The following ARRB2 variants were observed in gnomAD, a reference collection of about 807,000 sequenced individuals.
The protein encoded by ARRB2 is beta-arrestin-2.
A neutral mutation model predicts 53.4 loss-of-function variants in ARRB2; 21 were observed. The observed-to-expected ratio is 0.39, with a 90% CI of 0.28 to 0.57. The LOEUF is 0.57. Ranked by LOEUF, ARRB2 falls within the 20% of genes least tolerant of loss-of-function variation. ARRB2 has a pLI of 0.55. For synonymous variants in ARRB2, 180 were observed against 212.9 expected (o/e 0.85, Z 1.34); for missense variants, 369 against 527.5 (o/e 0.70, Z 2.94).
chr17:4,711,747 C>T (rs1424247053), intron 1 of ARRB2, among the ~76,000 whole-genome samples: 2 of 152,144 alleles, frequency 1.3e-5, no homozygotes, highest in East Asian at 1.9e-4. Context: ...AAGTTGCTGA[C>T]TTGTGGGAGG....
chr17:4,712,229 G>A (rs1281446759), intron 1 of ARRB2, among the ~76,000 whole-genome samples: 1 of 152,276 alleles, frequency 6.6e-6, no homozygotes, highest in Admixed American at 6.5e-5. Flanking sequence ...GAAAGATAGG[G>A]TGTTTATTCT....
At chr17:4,718,989 G>A (rs565912473) in intron 10 of ARRB2, among the ~76,000 whole-genome samples, 2 of 152,242 alleles carry the variant, frequency 1.3e-5, no homozygotes, top group Admixed American at 6.5e-5. Flanking sequence ...GGCCAAGCTA[G>A]TTGCGAACCC....
Position 4,710,668 on chromosome 17 carries a change from G to A in ARRB2, c.-54G>A. The A allele has an allele frequency of 2.5e-6, 1 of 398,816 alleles. No homozygotes were observed. The highest frequency in any genetic ancestry group is 3.6e-5 in the East Asian group (1 of 28,044). 24.7% of individuals were successfully genotyped at this position (398,816 alleles called of 1,614,324 possible). On this transcript the variant is annotated 5_prime_UTR_variant, in exon 1 of 15. Transcript: ENST00000269260. ...GGGAGGAGCAGGGATCTTGGCAGCG[G>A]GCGAGGAGGCTGCGAGCGAGCCGCG...
chr17:4,717,001 A>C lies in ARRB2; in HGVS notation c.358-216A>C. 1.7e-6 allele frequency: 1 copy of C among 601,538 alleles called. No homozygotes were observed. Among genetic ancestry groups the C allele is most frequent in the Non-Finnish European group, 2.9e-6 (1 of 339,648 alleles). 37.3% of individuals were successfully genotyped at this position (601,538 alleles called of 1,614,324 possible). A position where few individuals can be genotyped will look rare whatever the true frequency, so the allele number is the denominator to read the frequency against. The stretch of plus-strand genomic sequence containing the variant: ...AGGCACGCACCACCACACACGACTA[A>C]TTTTGTATTTTTAGTAGTGATGGGG... On this transcript the variant is annotated intron_variant, in intron 5 of 14. Transcript: ENST00000269260. The surrounding 1 kb of genome is among the most constrained non-coding windows in gnomAD (Gnocchi z 6.0).
At position 4,717,706 on chromosome 17, in the gene ARRB2, A is replaced by G. The variant is rs1301288221; in HGVS notation, c.439A>G (p.Ile147Val). Residue 147 changes from isoleucine to valine, a missense_variant, in exon 7 of 15, where the codon ATT (isoleucine) becomes GTT (valine). By Grantham distance (29) the Ile-to-Val change is conservative. Transcript: ENST00000269260. This position sits in a 1 kb window ranked among gnomAD's most constrained non-coding sequence, Gnocchi z 6.0. ...TGKACGVDFE[I>V]RAFCAKSLEE... ...CGAGGCCTGCGGCGTAGACTTTGAG[A>G]TTCGAGCCTTCTGTGCTAAATCACT... The G allele has an allele frequency of 6.2e-7, 1 of 1,614,116 alleles. No homozygotes were observed. Among genetic ancestry groups the G allele is most frequent in the South Asian group, 1.1e-5 (1 of 91,080 alleles).
rs552634178 is a variant in ARRB2, at chr17:4,717,600, C to T, written c.418-85C>T. The T allele has an allele frequency of 2.1e-5, 33 of 1,563,594 alleles. No individual in the cohort carries two copies. The highest frequency in any genetic ancestry group is 2.5e-5 in the Non-Finnish European group (28 of 1,136,720). On this transcript the variant is annotated intron_variant, in intron 6 of 14. Coordinates refer to ENST00000269260, the MANE Select transcript of ARRB2 (RefSeq NM_004313.4). The surrounding 1 kb of genome is among the most constrained non-coding windows in gnomAD (Gnocchi z 6.0). ...CCACAATGAGGCAAGAGTCCCTGCCCGAGAGGAGGGAAGGGGGAGGAAGAA... is the reference window on the plus strand; with the variant it reads ...CCACAATGAGGCAAGAGTCCCTGCCTGAGAGGAGGGAAGGGGGAGGAAGAA...
intron 2 of ARRB2, 107 bp from the exon 3 acceptor site, chr17:4,715,866 C>G: frequency 3.1e-5 from 41 of 1,311,904 alleles, no homozygotes; most frequent in Non-Finnish European, 4.4e-5. Context: ...CAACTCCTTC[C>G]TGATAGCCCA....
intron 5 of ARRB2, chr17:4,716,910 C>T: frequency 1.6e-6 from 1 of 608,194 alleles, no homozygotes; most frequent in Non-Finnish European, 2.9e-6. Context: ...TCTTGGTTCA[C>T]TGCAACCTCC....
intron 5 of ARRB2, 84 bp downstream of exon 5, chr17:4,716,692 G>A (rs1019287719): frequency 1.3e-5 from 20 of 1,496,666 alleles, no homozygotes; most frequent in Non-Finnish European, 1.8e-5. Context: ...GCTGTGGGCA[G>A]ATCTGGAAGA....
rs900361811 is a variant in ARRB2, at chr17:4,717,411, A to AG, written c.417+136dup. 7.9e-6 allele frequency: 9 copies of AG among 1,143,114 alleles called. No individual in the cohort carries two copies. The African/African-American group carries it at 1.2e-4, about 15-fold the overall frequency. The allele number at this position is 1,143,114 out of a possible 1,614,324, so 70.8% of individuals were successfully genotyped here. A position where few individuals can be genotyped will look rare whatever the true frequency, so the allele number is the denominator to read the frequency against. ...AGGGTAGGCCAGTGTCCCCCGTGGA[A>AG]GTGGGGCGTATGTGGTGGTCATTGT... On this transcript the variant is annotated intron_variant, in intron 6 of 14. Transcript: ENST00000269260. The surrounding 1 kb of genome is among the most constrained non-coding windows in gnomAD (Gnocchi z 6.0).
In ARRB2 at chr17:4,713,491, C is replaced by T. The variant is rs758901239; in HGVS notation, c.24-1522C>T. On this transcript the variant is annotated intron_variant, in intron 1 of 14. Coordinates refer to ENST00000269260, the MANE Select transcript of ARRB2 (RefSeq NM_004313.4). ...ACTAAAAATACCAAAATTCGCCGGG[C>T]GTGGTGGTGGGTGCCTGTAGTCCCA... 9.6e-4 allele frequency among the ~76,000 whole-genome samples: 146 copies of T among 151,910 alleles called. 1 individual carries two copies. The highest frequency in any genetic ancestry group is 1.6e-3 in the Non-Finnish European group (111 of 67,944).
In ARRB2 at chr17:4,719,279, C is replaced by T; in HGVS notation, c.780-4C>T. On this transcript the variant is annotated splice_region_variant and splice_polypyrimidine_tract_variant and intron_variant, in intron 10 of 14. Transcript: ENST00000269260. ...GCATCTTGTTCTCTTGTCCCCACCCCCAGTGACCAGGTATCTCCCAGCTCC... is the reference window on the plus strand; with the variant it reads ...GCATCTTGTTCTCTTGTCCCCACCCTCAGTGACCAGGTATCTCCCAGCTCC... The T allele has an allele frequency of 6.2e-7, 1 of 1,610,468 alleles. No individual in the cohort carries two copies. The highest frequency in any genetic ancestry group is 8.5e-7 in the Non-Finnish European group (1 of 1,177,422).
At chr17:4,714,131 G>C (rs898921346) in intron 1 of ARRB2, among the ~76,000 whole-genome samples, 1 of 152,142 alleles carries the variant, frequency 6.6e-6, no homozygotes, top group Non-Finnish European at 1.5e-5. Flanking sequence ...AGTCTGAGGA[G>C]GGAGGGAGCT....
chr17:4,720,830 C>T, intron 14 of ARRB2, 116 bp from the exon 15 acceptor site: 1 of 1,149,402 alleles, frequency 8.7e-7, no homozygotes, highest in Non-Finnish European at 1.3e-6. Context: ...ACCTCTGGTC[C>T]CACTGCTGTT....
Position 4,720,581 on chromosome 17 carries a change from C to A in ARRB2, c.1082-5C>A, listed in dbSNP as rs1389358996. 2 of 1,589,956 alleles carry A rather than the reference C, an allele frequency of 1.3e-6. No homozygotes were observed. The highest frequency in any genetic ancestry group is 1.7e-6 in the Non-Finnish European group (2 of 1,170,658). ...CCCCCACACCCCCTCTTCCCGTCCCCCCAGCCGCTCCGGAGACAGATGTCC... is the reference window on the plus strand; with the variant it reads ...CCCCCACACCCCCTCTTCCCGTCCCACCAGCCGCTCCGGAGACAGATGTCC... On this transcript the variant is annotated splice_region_variant and splice_polypyrimidine_tract_variant and intron_variant, in intron 13 of 14. Coordinates refer to ENST00000269260, the MANE Select transcript of ARRB2 (RefSeq NM_004313.4).
At chr17:4,716,373 G>A (rs751406506) in intron 4 of ARRB2, 39 bp from the exon 5 acceptor site, 1 of 1,614,124 alleles carries the variant, frequency 6.2e-7, no homozygotes, top group African/African-American at 1.3e-5. Context: ...GACTGGGGAA[G>A]TGGGGCTCCT....
At chr17:4,711,516 G>A (rs772557690) in intron 1 of ARRB2, among the ~76,000 whole-genome samples, 2 of 152,166 alleles carry the variant, frequency 1.3e-5, no homozygotes, top group Non-Finnish European at 2.9e-5. Context: ...AGCAAAAGAC[G>A]AAAAGGTTGG....
At chr17:4,715,310 T>TTTCTTA in intron 2 of ARRB2, 1 of 493,860 alleles carries the variant, frequency 2.0e-6, no homozygotes, top group Non-Finnish European at 3.6e-6. Flanking sequence ...GCCATGTGCC[T>TTTCTTA]GTAGCCCTCC....
chr17:4,718,148 G>C (rs1401522750), intron 8 of ARRB2, 113 bp from the exon 9 acceptor site: 3 of 1,555,248 alleles, frequency 1.9e-6, no homozygotes, highest in African/African-American at 1.4e-5. Flanking sequence ...CAGTTGCCGT[G>C]GGCTTGGGTT....
Sources: allele counts gnomAD v4.1 joint callset (sites outside exome capture counted in the v4.1 genomes callset), GRCh38; gene constraint gnomAD v4.1.1; non-coding constraint Gnocchi (gnomAD v3.1); transcripts MANE v1.5; gene names NCBI Gene and HGNC (gene_info 2026-07-23, HGNC 2026-07-21).